ATP8A1: variants seen among roughly 807,000 people sequenced by gnomAD.
ATP8A1 encodes phospholipid-transporting ATPase IA.
In ATP8A1, 90 loss-of-function variants were observed where a neutral mutation model predicts 177.7. The observed-to-expected ratio is 0.51, with a 90% confidence interval of 0.43 to 0.60. The LOEUF (loss-of-function observed/expected upper bound fraction) is 0.60, where lower values mean the gene tolerates loss of function less well. Among genes scored for constraint, ATP8A1 ranks in the 20% least tolerant of loss-of-function variants. The pLI is 0.00. For missense variants in ATP8A1, 1,072 were observed against 1,392.8 expected (o/e 0.77, Z 3.67); for synonymous variants, 493 against 485.9 (o/e 1.01, Z -0.19).
At chr4:42,590,718 G>T in intron 7 of ATP8A1, 93 bp downstream of exon 7, 2 of 1,141,824 alleles carry the variant, frequency 1.8e-6, no homozygotes, top group Non-Finnish European at 2.6e-6. Flanking sequence ...TAAAGGAAGA[G>T]ACACAGAACT....
chr4:42,574,937 T>C (rs1471969055), intron 13 of ATP8A1, among the ~76,000 whole-genome samples: 1 of 152,220 alleles, frequency 6.6e-6, no homozygotes, highest in Non-Finnish European at 1.5e-5. Flanking sequence ...GAAAACTATA[T>C]AGACATATGC....
chr4:42,574,722 A>G lies in ATP8A1; in HGVS notation c.1207-15T>C. 1 of 1,558,028 alleles carries G rather than the reference A, an allele frequency of 6.4e-7. No homozygotes were observed. Among genetic ancestry groups the G allele is most frequent in the South Asian group, 1.2e-5 (1 of 84,592 alleles). On this transcript the variant is annotated splice_polypyrimidine_tract_variant and intron_variant, in intron 13 of 36. Transcript: ENST00000381668. ...ATGTATTTAACCTAAAAAAGTTTAA[A>G]ATTTCTCATTAATATTTTGAAAGTC...
chr4:42,623,011 A>G (rs1737654177), intron 4 of ATP8A1, among the ~76,000 whole-genome samples: 1 of 149,156 alleles, frequency 6.7e-6, no homozygotes, highest in African/African-American at 2.4e-5. Flanking sequence ...CTCTGTCTCA[A>G]AAAAAAAAAA....
intron 20 of ATP8A1, among the ~76,000 whole-genome samples, chr4:42,535,941 C>G (rs1727779883): frequency 6.6e-6 from 1 of 152,076 alleles, no homozygotes; most frequent in Admixed American, 6.5e-5. Flanking sequence ...ACTATCAAAA[C>G]CTCTGGGACA....
intron 3 of ATP8A1, 78 bp from the exon 4 acceptor site, chr4:42,624,712 T>C: frequency 4.0e-6 from 3 of 743,454 alleles, no homozygotes; most frequent in Non-Finnish European, 6.1e-6. Flanking sequence ...ACAGTCTCAG[T>C]GCCTTCTAAA....
chr4:42,629,099 T>C (rs1738441848), intron 1 of ATP8A1, among the ~76,000 whole-genome samples: 1 of 152,204 alleles, frequency 6.6e-6, no homozygotes, highest in African/African-American at 2.4e-5. Flanking sequence ...TAACTTGTAT[T>C]CAAGAATTTC....
intron 25 of ATP8A1, among the ~76,000 whole-genome samples, chr4:42,478,352 CAG>C (rs1423612731): frequency 6.6e-6 from 1 of 152,084 alleles, no homozygotes; most frequent in Non-Finnish European, 1.5e-5. Flanking sequence ...GCCTGGGTGA[CAG>C]AGACTCCATC....
intron 35 of ATP8A1, among the ~76,000 whole-genome samples, chr4:42,415,680 A>G (rs1713165192): frequency 6.6e-6 from 1 of 152,208 alleles, no homozygotes; most frequent in Non-Finnish European, 1.5e-5. Context: ...AATTTTAATA[A>G]CTGGAACTGA....
At chr4:42,518,558 G>A (rs550737950) in intron 22 of ATP8A1, among the ~76,000 whole-genome samples, 21 of 152,162 alleles carry the variant, frequency 1.4e-4, no homozygotes, top group Non-Finnish European at 2.5e-4. Flanking sequence ...TCCTGCTTTC[G>A]TCAATTATAT....
At chr4:42,507,395 T>C (rs1724481971) in intron 22 of ATP8A1, among the ~76,000 whole-genome samples, 2 of 152,122 alleles carry the variant, frequency 1.3e-5, no homozygotes, top group South Asian at 4.1e-4. Context: ...GAACAGATTC[T>C]AAAATAAATT....
intron 5 of ATP8A1, among the ~76,000 whole-genome samples, chr4:42,601,891 A>C (rs946250839): frequency 5.2e-5 from 7 of 135,086 alleles, no homozygotes; most frequent in Admixed American, 1.6e-4. Context: ...AATATTAATT[A>C]AAAACAAAAA....
chr4:42,488,099 T>G (rs1315859479), intron 24 of ATP8A1, among the ~76,000 whole-genome samples: 1 of 152,202 alleles, frequency 6.6e-6, no homozygotes, highest in East Asian at 1.9e-4. Context: ...CTATAATAGA[T>G]ATCCCCTGGA....
At chr4:42,642,742 C>T (rs1181870228) in intron 1 of ATP8A1, among the ~76,000 whole-genome samples, 1 of 152,182 alleles carries the variant, frequency 6.6e-6, no homozygotes, top group Non-Finnish European at 1.5e-5. Context: ...CCTAATGCAA[C>T]ATTTTACCTC....
At chr4:42,585,184 C>T (rs1080248) in intron 9 of ATP8A1, among the ~76,000 whole-genome samples, 34,138 of 152,036 alleles carry the variant, frequency 0.22, 4,322 homozygotes, top group Non-Finnish European at 0.29. Flanking sequence ...GTTACCTTTT[C>T]AATGAGGCTA....
At chr4:42,591,494 A>G (rs902822247) in intron 6 of ATP8A1, among the ~76,000 whole-genome samples, 4 of 152,180 alleles carry the variant, frequency 2.6e-5, no homozygotes, top group Admixed American at 6.5e-5. Flanking sequence ...ATGCCTTAGG[A>G]AGTCAGAAGG....
At chr4:42,481,093 A>G (rs1012700294) in intron 25 of ATP8A1, among the ~76,000 whole-genome samples, 2 of 152,224 alleles carry the variant, frequency 1.3e-5, no homozygotes, top group African/African-American at 4.8e-5. Context: ...ACCACATGCT[A>G]TTTAACACAC....
At chr4:42,423,072 T>C (rs1395520431) in intron 34 of ATP8A1, among the ~76,000 whole-genome samples, 173 bp from the exon 35 acceptor site, 6 of 152,170 alleles carry the variant, frequency 3.9e-5, no homozygotes, top group Non-Finnish European at 7.3e-5. Flanking sequence ...ATAGAAATTA[T>C]AGTTTTAAAA....
chr4:42,441,938 A>G (rs1716690736), intron 33 of ATP8A1, among the ~76,000 whole-genome samples: 1 of 152,250 alleles, frequency 6.6e-6, no homozygotes, highest in Admixed American at 6.5e-5. Context: ...GTGATGGAGT[A>G]CTGACATTCA....
At chr4:42,641,503 T>C (rs1577764334) in intron 1 of ATP8A1, among the ~76,000 whole-genome samples, 2 of 92,060 alleles carry the variant, frequency 2.2e-5, no homozygotes, top group Non-Finnish European at 2.5e-5. Context: ...TTTAAATTTC[T>C]TTTTTTTTTT....
Sources: allele counts gnomAD v4.1 joint callset (sites outside exome capture counted in the v4.1 genomes callset), GRCh38; gene constraint gnomAD v4.1.1; transcripts MANE v1.5; gene names NCBI Gene and HGNC (gene_info 2026-07-23, HGNC 2026-07-21).